Variants in NELL1 observed in about 807,000 individuals in gnomAD.
NELL1 encodes protein kinase C-binding protein NELL1.
Under a neutral mutation model 107.4 loss-of-function variants are expected in NELL1, and 76 were observed. The observed-to-expected ratio is 0.71, with a 90% CI of 0.59 to 0.86. The LOEUF (loss-of-function observed/expected upper bound fraction) is 0.86, where lower values mean the gene tolerates loss of function less well. NELL1 is among the 40% of genes least tolerant of loss of function. The pLI, the probability that NELL1 is intolerant of heterozygous loss-of-function variation, is 0.00. For missense variants in NELL1, 1,024 were observed against 1,005.5 expected (o/e 1.02, Z -0.25); for synonymous variants, 353 against 341.2 (o/e 1.03, Z -0.38).
At chr11:20,874,192 C>T (rs111378500) in intron 4 of NELL1, among the ~76,000 whole-genome samples, 3,673 of 152,236 alleles carry the variant, frequency 0.024, 167 homozygotes, top group African/African-American at 0.084. Context: ...CTCAGACTCC[C>T]GAGTAGCTGG....
At position 20,810,380 on chromosome 11, in the gene NELL1, G is replaced by A. The variant is rs61335300; in HGVS notation, c.335+26550G>A. Among the ~76,000 whole-genome samples, 350 of 152,032 alleles carry A rather than the reference G, an allele frequency of 2.3e-3. 4 individuals carry two copies. Among genetic ancestry groups the A allele is most frequent in the African/African-American group, 8.1e-3 (336 of 41,444 alleles). On this transcript the variant is annotated intron_variant, in intron 3 of 19. Coordinates refer to ENST00000357134, the MANE Select transcript of NELL1 (RefSeq NM_006157.5). ...TTTTATCCCTCACCCCCTCTCACTC[G>A]TCTCCCCAAGTCCGCAAAGTCCATT...
At chr11:21,291,536 A>G (rs575942047) in intron 14 of NELL1, among the ~76,000 whole-genome samples, 1 of 152,304 alleles carries the variant, frequency 6.6e-6, no homozygotes, top group South Asian at 2.1e-4. Flanking sequence ...TTTTCCAAAC[A>G]ATAGAAAAAT....
intron 3 of NELL1, among the ~76,000 whole-genome samples, chr11:20,790,234 G>T (rs59843654): frequency 6.6e-6 from 1 of 152,150 alleles, no homozygotes; most frequent in African/African-American, 2.4e-5. Flanking sequence ...AGGTGCCAAG[G>T]GATACCTGCA....
intron 15 of NELL1, among the ~76,000 whole-genome samples, chr11:21,408,675 G>A: frequency 6.6e-6 from 1 of 151,970 alleles, no homozygotes; most frequent in Non-Finnish European, 1.5e-5. Context: ...AGTTTAATTA[G>A]ATCCCATTTG....
At chr11:21,263,898 A>T (rs1286124030) in intron 14 of NELL1, among the ~76,000 whole-genome samples, 2 of 152,074 alleles carry the variant, frequency 1.3e-5, no homozygotes, top group East Asian at 1.9e-4. Flanking sequence ...TATAATCCTT[A>T]AAAAATGGAA....
At chr11:20,800,153 G>T (rs1371453159) in intron 3 of NELL1, among the ~76,000 whole-genome samples, 1 of 152,132 alleles carries the variant, frequency 6.6e-6, no homozygotes, top group Non-Finnish European at 1.5e-5. Flanking sequence ...ATTGTGAATG[G>T]CACTGTGATG....
At chr11:20,847,174 AT>A (rs956867301) in intron 3 of NELL1, among the ~76,000 whole-genome samples, 2 of 152,212 alleles carry the variant, frequency 1.3e-5, no homozygotes, top group Non-Finnish European at 2.9e-5. Flanking sequence ...CATGACTTCC[AT>A]TTCCCTTTAA....
At chr11:20,890,357 G>A (rs10766741) in intron 5 of NELL1, among the ~76,000 whole-genome samples, 86,689 of 151,892 alleles carry the variant, frequency 0.57, 30,076 homozygotes, top group Non-Finnish European at 0.78. Context: ...CCCATCCAAA[G>A]GTCAGCAGCC....
chr11:21,506,682 A>C (rs1029806314), intron 15 of NELL1, among the ~76,000 whole-genome samples: 9 of 152,192 alleles, frequency 5.9e-5, no homozygotes, highest in Non-Finnish European at 1.2e-4. Flanking sequence ...CAAAATACCT[A>C]CCAGCCTAAA....
rs1199199684 is a variant in NELL1 at position 20,883,728 on chromosome 11, A to G, written c.507-1716A>G. Among the ~76,000 whole-genome samples, 5 of 152,300 alleles carry G rather than the reference A, an allele frequency of 3.3e-5. No individual in the cohort carries two copies. The East Asian group carries it at 7.7e-4, about 24-fold the overall frequency. On this transcript the variant is annotated intron_variant, in intron 4 of 19. Transcript: ENST00000357134. ...TTTTCCAGTGAAAAATATTTTGTAT[A>G]TACTTTCCCTTGTTTCATAACTTGC... is the stretch of plus-strand genomic sequence containing the variant.
chr11:21,542,765 T>C (rs1056170172), intron 16 of NELL1, among the ~76,000 whole-genome samples: 35 of 152,102 alleles, frequency 2.3e-4, no homozygotes, highest in Non-Finnish European at 4.3e-4. Context: ...TTATTTATTA[T>C]GCACTGCCTC....
intron 13 of NELL1, among the ~76,000 whole-genome samples, chr11:21,138,174 G>C (rs899459893): frequency 6.6e-6 from 1 of 152,062 alleles, no homozygotes; most frequent in Non-Finnish European, 1.5e-5. Flanking sequence ...TCTCATAATT[G>C]CTCTCTCAGT....
chr11:21,406,444 G>T lies in NELL1; in HGVS notation c.1645+35496G>T, dbSNP rs115862537. The stretch of plus-strand genomic sequence containing the variant: ...AGAAGTAGATTACTGAATGATTATT[G>T]TCTCCCAGTTATGATACTACCTAGT... On this transcript the variant is annotated intron_variant, in intron 15 of 19. Coordinates refer to ENST00000357134, the MANE Select transcript of NELL1 (RefSeq NM_006157.5). Among the ~76,000 whole-genome samples, 1,317 of 151,912 alleles carry T rather than the reference G, an allele frequency of 8.7e-3. 18 individuals are homozygous for T. Among genetic ancestry groups the T allele is most frequent in the African/African-American group, 0.03 (1,261 of 41,454 alleles).
At chr11:21,390,934 A>G (rs550869138) in intron 15 of NELL1, among the ~76,000 whole-genome samples, 5 of 151,662 alleles carry the variant, frequency 3.3e-5, no homozygotes, top group Non-Finnish European at 7.4e-5. Context: ...TTTTTTCAAC[A>G]TCATCTCTTT....
chr11:21,549,315 GTTA>G (rs934203628), intron 16 of NELL1, among the ~76,000 whole-genome samples: 6 of 151,876 alleles, frequency 4.0e-5, no homozygotes, highest in African/African-American at 9.7e-5. Context: ...CTAAGGTATT[GTTA>G]TTATGCATAA....
chr11:21,035,593 T>C (rs1389722592), intron 12 of NELL1, among the ~76,000 whole-genome samples: 2 of 151,886 alleles, frequency 1.3e-5, no homozygotes, highest in Non-Finnish European at 2.9e-5. Context: ...TGTGAATCAA[T>C]AAATGTGATT....
intron 13 of NELL1, among the ~76,000 whole-genome samples, chr11:21,151,765 G>A (rs758997684): frequency 3.9e-5 from 6 of 152,260 alleles, no homozygotes; most frequent in South Asian, 2.1e-4. Flanking sequence ...TGTGCTTTCT[G>A]TATCAGTTGA....
At chr11:20,690,677 T>C (rs1258182884) in intron 2 of NELL1, among the ~76,000 whole-genome samples, 8 of 152,016 alleles carry the variant, frequency 5.3e-5, no homozygotes, top group Non-Finnish European at 1.0e-4. Context: ...GCTGTTTTGG[T>C]TACCGTAGCC....
chr11:21,337,748 C>CT (rs1197346691), intron 14 of NELL1, among the ~76,000 whole-genome samples: 1 of 122,254 alleles, frequency 8.2e-6, no homozygotes, highest in East Asian at 2.6e-4. Context: ...TTCTTTCTTT[C>CT]TTTCTTTCTT....
Sources: allele counts gnomAD v4.1 joint callset (sites outside exome capture counted in the v4.1 genomes callset), GRCh38; gene constraint gnomAD v4.1.1; transcripts MANE v1.5; gene names NCBI Gene and HGNC (gene_info 2026-07-23, HGNC 2026-07-21).